TMEM117: variants seen among roughly 807,000 people sequenced by gnomAD.
TMEM117 encodes transmembrane protein 117.
Under a neutral mutation model 52.4 loss-of-function variants are expected in TMEM117, and 27 were observed. The ratio of observed to expected loss-of-function variants is 0.51; its 90% CI spans 0.38 to 0.71. The LOEUF is 0.71. Among genes scored for constraint, TMEM117 ranks in the 30% least tolerant of loss-of-function variants. The pLI, the probability that TMEM117 is intolerant of heterozygous loss-of-function variation, is 0.00. For missense variants in TMEM117, 556 were observed against 630.5 expected (o/e 0.88, Z 1.26); for synonymous variants, 215 against 206.3 (o/e 1.04, Z -0.36).
intron 3 of TMEM117, among the ~76,000 whole-genome samples, chr12:44,140,840 C>T (rs1948560789): frequency 1.3e-5 from 2 of 151,998 alleles, no homozygotes; most frequent in African/African-American, 4.8e-5. Context: ...AAGGAAGTTG[C>T]CAAACCTCCC....
chr12:44,011,077 A>C (rs1349669481), intron 3 of TMEM117, among the ~76,000 whole-genome samples: 3 of 152,146 alleles, frequency 2.0e-5, no homozygotes, highest in Admixed American at 2.0e-4. Context: ...TACTAGCAAC[A>C]AATTTTCTCA....
the TMEM117 span, among the ~76,000 whole-genome samples, chr12:43,811,845 G>C: frequency 6.6e-6 from 1 of 152,152 alleles, no homozygotes. Flanking sequence ...AATCAGCTGA[G>C]ACCTGAAAAT....
At chr12:44,265,810 A>G (rs1950371052) in intron 5 of TMEM117, among the ~76,000 whole-genome samples, 1 of 152,004 alleles carries the variant, frequency 6.6e-6, no homozygotes, top group Admixed American at 6.6e-5. Flanking sequence ...CTCTTTATTT[A>G]TTTACCTATT....
chr12:44,309,151 A>G (rs547601188), intron 6 of TMEM117, among the ~76,000 whole-genome samples: 175 of 152,364 alleles, frequency 1.1e-3, no homozygotes, highest in African/African-American at 3.9e-3. Context: ...AAGTTCATTA[A>G]TATCATGAAG....
At chr12:44,240,224 T>C (rs1278427672) in intron 5 of TMEM117, among the ~76,000 whole-genome samples, 1 of 152,154 alleles carries the variant, frequency 6.6e-6, no homozygotes, top group East Asian at 1.9e-4. Context: ...ATCTTTGCCA[T>C]TCTAATTTAT....
intron 2 of TMEM117, among the ~76,000 whole-genome samples, chr12:43,871,579 T>G (rs766861397): frequency 1.1e-4 from 16 of 152,194 alleles, no homozygotes; most frequent in Non-Finnish European, 2.9e-5. Context: ...AAATCAACTC[T>G]GAATAAAATA....
chr12:44,142,534 T>C (rs1211223721), intron 3 of TMEM117, among the ~76,000 whole-genome samples: 1 of 152,156 alleles, frequency 6.6e-6, no homozygotes. Context: ...TTCTTCATAA[T>C]TTCAGTAGAT....
At chr12:43,841,411 GA>G (rs1044312037) in intron 1 of TMEM117, among the ~76,000 whole-genome samples, 7 of 152,202 alleles carry the variant, frequency 4.6e-5, no homozygotes, top group Non-Finnish European at 8.8e-5. Context: ...ATGTGGCAGT[GA>G]TAGTAGCATT....
chr12:43,907,155 G>T (rs573725208), intron 2 of TMEM117, among the ~76,000 whole-genome samples: 2,090 of 152,274 alleles, frequency 0.014, 36 homozygotes, highest in African/African-American at 0.048. Flanking sequence ...ATCTGAGAAC[G>T]GGCAGACTGC....
intron 3 of TMEM117, among the ~76,000 whole-genome samples, chr12:44,047,577 T>G (rs925392730): frequency 2.0e-5 from 3 of 152,202 alleles, no homozygotes; most frequent in Admixed American, 6.5e-5. Flanking sequence ...GTTCACTATT[T>G]CATAGAAGGT....
At chr12:44,309,009 G>A (rs1950939982) in intron 6 of TMEM117, among the ~76,000 whole-genome samples, 1 of 152,096 alleles carries the variant, frequency 6.6e-6, no homozygotes, top group Admixed American at 6.5e-5. Context: ...TAAAGCTAAG[G>A]AACAAATTAC....
At chr12:43,925,772 C>A (rs1175279721) in intron 2 of TMEM117, among the ~76,000 whole-genome samples, 1 of 152,158 alleles carries the variant, frequency 6.6e-6, no homozygotes, top group African/African-American at 2.4e-5. Flanking sequence ...GCTTCTATAT[C>A]TGGTGGGGCT....
intron 6 of TMEM117, among the ~76,000 whole-genome samples, chr12:44,310,108 A>G (rs1950955245): frequency 6.6e-6 from 1 of 152,216 alleles, no homozygotes; most frequent in Non-Finnish European, 1.5e-5. Context: ...TGCTTGAAGT[A>G]TGATGTTTTT....
intron 3 of TMEM117, among the ~76,000 whole-genome samples, chr12:44,126,433 AT>A (rs1948326056): frequency 6.6e-6 from 1 of 152,162 alleles, no homozygotes; most frequent in Admixed American, 6.5e-5. Context: ...TCCTTTTTAG[AT>A]TTAACAAATA....
chr12:43,929,299 T>C (rs1283837454), intron 2 of TMEM117, among the ~76,000 whole-genome samples: 1 of 152,148 alleles, frequency 6.6e-6, no homozygotes, highest in Non-Finnish European at 1.5e-5. Flanking sequence ...AAAATATTTT[T>C]AATATTTTAT....
chr12:43,896,235 G>A (rs1001960905), intron 2 of TMEM117, among the ~76,000 whole-genome samples: 28 of 152,312 alleles, frequency 1.8e-4, no homozygotes, highest in African/African-American at 6.0e-4. Flanking sequence ...ATAAAGGTTC[G>A]TGGGAAATAT....
At chr12:43,861,005 C>T (rs1335263819) in intron 2 of TMEM117, among the ~76,000 whole-genome samples, 5 of 152,082 alleles carry the variant, frequency 3.3e-5, no homozygotes, top group African/African-American at 1.2e-4. Flanking sequence ...GTCCACCTCA[C>T]CTCCCTCCCT....
the TMEM117 span, chr12:43,799,641 ACTTTT>A: frequency 4.5e-5 from 23 of 512,328 alleles, no homozygotes; most frequent in African/African-American, 3.5e-4. Context: ...ATATCTTTTT[ACTTTT>A]CTTTAATCCT....
At chr12:44,365,392 G>C (rs891477733) in intron 6 of TMEM117, among the ~76,000 whole-genome samples, 1 of 151,878 alleles carries the variant, frequency 6.6e-6, no homozygotes, top group Non-Finnish European at 1.5e-5. Context: ...AGGGCATATC[G>C]GCATGATAGT....
Sources: gnomAD v4.1 joint callset for allele counts (sites outside exome capture counted in the v4.1 genomes callset) on GRCh38, gnomAD v4.1.1 for gene constraint, MANE v1.5 for transcripts, NCBI Gene and HGNC (gene_info 2026-07-23, HGNC 2026-07-21) for gene names.